MINPP1: variants seen among roughly 807,000 people sequenced by gnomAD.
The protein encoded by MINPP1 is multiple inositol-polyphosphate phosphatase 1, also known as multiple inositol polyphosphate phosphatase 1.
MINPP1 carries 28 observed loss-of-function variants against 46.1 expected under a neutral mutation model. That is an observed-to-expected ratio of 0.61 (90% confidence interval 0.45 to 0.83). The LOEUF (loss-of-function observed/expected upper bound fraction) is 0.83, where lower values mean the gene tolerates loss of function less well. Ranked by LOEUF, MINPP1 falls within the 40% of genes least tolerant of loss-of-function variation. The probability of loss-of-function intolerance (pLI) is 0.00; values close to 1 mark genes in which losing one functional copy is unlikely to be tolerated. For synonymous variants in MINPP1, 268 were observed against 249.1 expected (o/e 1.08, Z -0.72); for missense variants, 603 against 610.0 (o/e 0.99, Z 0.12).
chr10:87,522,324 C>T lies in MINPP1; in HGVS notation c.1067+1155C>T, dbSNP rs540572073. On this transcript the variant is annotated intron_variant, in intron 4 of 4. Transcript: ENST00000371996. The stretch of plus-strand genomic sequence containing the variant: ...ATTAGATCACTTCCCTGCATTGATG[C>T]GCAATATATTGGAAAATAATTGAAT... Among the ~76,000 whole-genome samples, 236 of 151,960 alleles carry T rather than the reference C, an allele frequency of 1.6e-3. No homozygotes were observed. The Middle Eastern group carries it at 0.024, about 15-fold the overall frequency.
chr10:87,518,254 C>T (rs542280284), intron 3 of MINPP1, among the ~76,000 whole-genome samples: 328 of 151,374 alleles, frequency 2.2e-3, no homozygotes, highest in Non-Finnish European at 4.0e-3. Context: ...CCACCGCACC[C>T]GGCCCTTTTT....
At chr10:87,507,145 C>G (rs183968862) in intron 1 of MINPP1, among the ~76,000 whole-genome samples, 15 of 152,292 alleles carry the variant, frequency 9.8e-5, no homozygotes, top group African/African-American at 2.6e-4. Flanking sequence ...CCACTCCTGA[C>G]CGTTTTCAGT....
Position 87,513,108 on chromosome 10 carries a change from CTT to C in MINPP1, c.836-10_836-9del, listed in dbSNP as rs756368296. 6.2e-7 allele frequency: 1 copy of C among 1,605,534 alleles called. No homozygotes were observed. Among genetic ancestry groups the C allele is most frequent in the Non-Finnish European group, 8.5e-7 (1 of 1,172,458 alleles). On this transcript the variant is annotated splice_polypyrimidine_tract_variant and intron_variant, in intron 2 of 4. Transcript: ENST00000371996. The stretch of plus-strand genomic sequence containing the variant: ...AAAATAATGACCCACAAAATTTTAC[CTT>C]TTTTTCCCCCCAGATTTAATTCAAG...
intron 4 of MINPP1, among the ~76,000 whole-genome samples, chr10:87,535,499 A>G (rs866369706): frequency 6.6e-6 from 1 of 152,252 alleles, no homozygotes; most frequent in Non-Finnish European, 1.5e-5. Flanking sequence ...GCAAAGGCCT[A>G]TGTGGGAATG....
chr10:87,512,504 A>C (rs1436379351), intron 2 of MINPP1, among the ~76,000 whole-genome samples: 1 of 151,664 alleles, frequency 6.6e-6, no homozygotes, highest in Non-Finnish European at 1.5e-5. Context: ...TCTTTTCTGT[A>C]CTTACTGCTG....
At chr10:87,544,115 A>C (rs1352048849) in intron 4 of MINPP1, among the ~76,000 whole-genome samples, 2 of 152,224 alleles carry the variant, frequency 1.3e-5, no homozygotes, top group Non-Finnish European at 2.9e-5. Context: ...ACCAGTCATA[A>C]GTCTGGGCCT....
intron 4 of MINPP1, among the ~76,000 whole-genome samples, chr10:87,538,470 T>C (rs149760605): frequency 8.5e-5 from 13 of 152,352 alleles, no homozygotes; most frequent in Middle Eastern, 3.4e-3. Context: ...AGCTTTCTGG[T>C]ACTTTAAGGT....
chr10:87,513,055 C>T (rs1851358169), intron 2 of MINPP1, 69 bp from the exon 3 acceptor site: 1 of 1,066,592 alleles, frequency 9.4e-7, no homozygotes, highest in South Asian at 1.3e-5. Context: ...TGGCATTCTA[C>T]AGATATTTAG....
rs777669215 is a variant in MINPP1 at position 87,505,581 on chromosome 10, C to T, written c.637+29C>T. The T allele has an allele frequency of 3.8e-6, 6 of 1,580,396 alleles. No homozygotes were observed. Among genetic ancestry groups the T allele is most frequent in the Non-Finnish European group, 5.1e-6 (6 of 1,170,372 alleles). On this transcript the variant is annotated intron_variant, in intron 1 of 4. Coordinates refer to ENST00000371996, the MANE Select transcript of MINPP1 (RefSeq NM_004897.5). The surrounding 1 kb of genome is among the most constrained non-coding windows in gnomAD (Gnocchi z 4.4). Reference sequence around the variant, plus strand: ...ACCCCCCGGGCGGCCCGTGTGCTGTCCCGGTCCTCCCACCCGCCCTGGATG... The same window carrying T: ...ACCCCCCGGGCGGCCCGTGTGCTGTTCCGGTCCTCCCACCCGCCCTGGATG...
intron 3 of MINPP1, among the ~76,000 whole-genome samples, chr10:87,514,722 T>C (rs34967991): frequency 2.8e-4 from 42 of 152,246 alleles, no homozygotes; most frequent in South Asian, 6.2e-4. Context: ...TGATTATTAT[T>C]ACTATTTTTT....
intron 4 of MINPP1, among the ~76,000 whole-genome samples, chr10:87,539,676 T>C (rs144485138): frequency 6.6e-6 from 1 of 152,320 alleles, no homozygotes; most frequent in East Asian, 1.9e-4. Flanking sequence ...TCTTGGGGTA[T>C]AGAGTCTGAA....
At chr10:87,533,371 C>A (rs1227002461) in intron 4 of MINPP1, among the ~76,000 whole-genome samples, 1 of 151,958 alleles carries the variant, frequency 6.6e-6, no homozygotes, top group Non-Finnish European at 1.5e-5. Context: ...CCTTTTTGCA[C>A]CATCACTATA....
chr10:87,539,199 C>G (rs115923957), intron 4 of MINPP1, among the ~76,000 whole-genome samples: 3,264 of 152,178 alleles, frequency 0.021, 128 homozygotes, highest in African/African-American at 0.076. Context: ...TATTTCTATC[C>G]AGACATTTAT....
At chr10:87,528,296 A>T (rs1851607455) in intron 4 of MINPP1, among the ~76,000 whole-genome samples, 1 of 151,828 alleles carries the variant, frequency 6.6e-6, no homozygotes, top group African/African-American at 2.4e-5. Context: ...TTTAATTGTG[A>T]TGTTAGGGTG....
intron 4 of MINPP1, among the ~76,000 whole-genome samples, chr10:87,542,370 G>A (rs946183824): frequency 6.6e-6 from 1 of 150,864 alleles, no homozygotes; most frequent in Non-Finnish European, 1.5e-5. Flanking sequence ...CATGATCACA[G>A]CTCACTGCAG....
chr10:87,525,824 C>T (rs932564282), intron 4 of MINPP1, among the ~76,000 whole-genome samples: 8 of 152,158 alleles, frequency 5.3e-5, no homozygotes, highest in Non-Finnish European at 1.2e-4. Flanking sequence ...TCTGTCCTTG[C>T]GATAGTTTGC....
intron 4 of MINPP1, among the ~76,000 whole-genome samples, chr10:87,529,461 C>T (rs1851625611): frequency 1.3e-5 from 2 of 152,148 alleles, no homozygotes; most frequent in Admixed American, 1.3e-4. Flanking sequence ...TTCTCCTTCA[C>T]TTATGAAGCT....
At chr10:87,543,444 C>T (rs1410186695) in intron 4 of MINPP1, among the ~76,000 whole-genome samples, 2 of 152,092 alleles carry the variant, frequency 1.3e-5, no homozygotes, top group African/African-American at 4.8e-5. Context: ...CACTTGGGCC[C>T]AGGAGTTCAA....
intron 3 of MINPP1, among the ~76,000 whole-genome samples, chr10:87,520,092 GTAT>G (rs1396691907): frequency 1.4e-5 from 2 of 145,504 alleles, no homozygotes; most frequent in East Asian, 3.9e-4. Context: ...GTAATAAATG[GTAT>G]TATAGGGTAT....
Sources: allele counts gnomAD v4.1 joint callset (sites outside exome capture counted in the v4.1 genomes callset), GRCh38; gene constraint gnomAD v4.1.1; non-coding constraint Gnocchi (gnomAD v3.1); transcripts MANE v1.5; gene names NCBI Gene and HGNC (gene_info 2026-07-23, HGNC 2026-07-21).